The following FSTL5 variants were observed in gnomAD, a reference collection of about 807,000 sequenced individuals.
FSTL5 encodes follistatin like 5.
In FSTL5, 62 loss-of-function variants were observed where a neutral mutation model predicts 89.1. The observed-to-expected ratio is 0.70, with a 90% confidence interval of 0.57 to 0.86. FSTL5 has a LOEUF of 0.86. FSTL5 is among the 40% of genes least tolerant of loss of function. The pLI is 0.00. For missense variants in FSTL5, 1,057 were observed against 1,001.6 expected (o/e 1.06, Z -0.75); for synonymous variants, 383 against 346.2 (o/e 1.11, Z -1.18).
chr4:161,860,570 G>T (rs1475723504), intron 4 of FSTL5, among the ~76,000 whole-genome samples: 2 of 152,130 alleles, frequency 1.3e-5, no homozygotes, highest in African/African-American at 4.8e-5. Flanking sequence ...ATGTACACGC[G>T]ATGGTAACAC....
intron 4 of FSTL5, among the ~76,000 whole-genome samples, chr4:161,883,463 C>T (rs1357065682): frequency 6.6e-6 from 1 of 152,112 alleles, no homozygotes; most frequent in African/African-American, 2.4e-5. Context: ...TTATATTAGT[C>T]TCATGCAGTT....
chr4:161,876,259 A>G (rs1732438633), intron 4 of FSTL5, among the ~76,000 whole-genome samples: 1 of 152,200 alleles, frequency 6.6e-6, no homozygotes, highest in African/African-American at 2.4e-5. Flanking sequence ...CTCTATTTTG[A>G]ATATTTTGTA....
intron 4 of FSTL5, among the ~76,000 whole-genome samples, chr4:161,784,991 G>T (rs1251786263): frequency 2.6e-5 from 4 of 151,588 alleles, no homozygotes; most frequent in Non-Finnish European, 5.9e-5. Flanking sequence ...TACTTACACA[G>T]TAATCACATT....
chr4:161,468,983 T>C (rs1396461112), intron 13 of FSTL5, among the ~76,000 whole-genome samples: 2 of 152,210 alleles, frequency 1.3e-5, no homozygotes, highest in Non-Finnish European at 2.9e-5. Flanking sequence ...TGAAATATGT[T>C]CATAATTCTG....
chr4:161,611,467 T>C (rs1353400592), intron 7 of FSTL5, among the ~76,000 whole-genome samples: 3 of 151,922 alleles, frequency 2.0e-5, no homozygotes, highest in African/African-American at 7.2e-5. Flanking sequence ...TATCACTAAA[T>C]AGCTAAAATT....
intron 4 of FSTL5, among the ~76,000 whole-genome samples, chr4:161,793,672 C>T (rs750098416): frequency 6.6e-6 from 1 of 151,582 alleles, no homozygotes; most frequent in East Asian, 1.9e-4. Flanking sequence ...GCAGTGGTGC[C>T]GTCTCAGCTC....
intron 4 of FSTL5, among the ~76,000 whole-genome samples, chr4:161,805,411 A>AT (rs2126833736): frequency 6.6e-6 from 1 of 152,272 alleles, no homozygotes; most frequent in Admixed American, 6.6e-5. Flanking sequence ...GATAAGAGAA[A>AT]TGTTTGTCAT....
intron 4 of FSTL5, among the ~76,000 whole-genome samples, chr4:161,877,780 C>G (rs900022030): frequency 1.3e-5 from 2 of 151,820 alleles, no homozygotes; most frequent in Non-Finnish European, 2.9e-5. Context: ...GAGCCGAGAT[C>G]GCGCCACTGC....
At chr4:161,422,056 T>C (rs928007733) in intron 15 of FSTL5, among the ~76,000 whole-genome samples, 3 of 152,026 alleles carry the variant, frequency 2.0e-5, no homozygotes, top group Admixed American at 2.0e-4. Context: ...ACGGCATATA[T>C]ATTTTCATGT....
chr4:162,009,877 A>G (rs1736711502), intron 3 of FSTL5, among the ~76,000 whole-genome samples: 1 of 152,064 alleles, frequency 6.6e-6, no homozygotes, highest in African/African-American at 2.4e-5. Flanking sequence ...CAAGCTATAA[A>G]GATGAAATAT....
rs186044286 is a variant in FSTL5, at chr4:161,516,609, A to G, written c.1313-6185T>C. Among the ~76,000 whole-genome samples the G allele has an allele frequency of 4.2e-3, 37 of 8,724 alleles. 1 individual carries two copies. Among genetic ancestry groups the G allele is most frequent in the Middle Eastern group, 0.062 (1 of 16 alleles). The allele number at this position is 8,724 out of a possible 152,430, so 5.7% of individuals were successfully genotyped here. ...TATAATAAATTATATATTTTATATA[A>G]TAAATTATATATTTTATATAATAAA... On this transcript the variant is annotated intron_variant, in intron 10 of 15. Transcript: ENST00000306100.
intron 5 of FSTL5, among the ~76,000 whole-genome samples, chr4:161,773,673 A>C (rs2126802118): frequency 6.6e-6 from 1 of 152,280 alleles, no homozygotes; most frequent in African/African-American, 2.4e-5. Context: ...AAATGGCCAT[A>C]ATCTAAACTT....
At chr4:161,759,362 C>A (rs769493164) in intron 6 of FSTL5, 49 bp downstream of exon 6, 2 of 1,547,598 alleles carry the variant, frequency 1.3e-6, no homozygotes, top group South Asian at 1.3e-5. Context: ...TTGTGTAAAG[C>A]AACAGGAAAA....
At chr4:161,574,734 T>C (rs572462009) in intron 8 of FSTL5, among the ~76,000 whole-genome samples, 1 of 152,306 alleles carries the variant, frequency 6.6e-6, no homozygotes, top group East Asian at 1.9e-4. Flanking sequence ...GGTGTGTATG[T>C]GCCACGTTTT....
At chr4:161,521,589 C>T (rs1409927016) in intron 10 of FSTL5, among the ~76,000 whole-genome samples, 3 of 152,054 alleles carry the variant, frequency 2.0e-5, no homozygotes, top group Non-Finnish European at 4.4e-5. Flanking sequence ...TGGCTCATGC[C>T]TCTAACCCCA....
intron 8 of FSTL5, among the ~76,000 whole-genome samples, chr4:161,571,451 G>GAA (rs1409836333): frequency 6.6e-6 from 1 of 150,718 alleles, no homozygotes. Flanking sequence ...CCTCCCAAAG[G>GAA]AAAAAAAAGA....
intron 1 of FSTL5, among the ~76,000 whole-genome samples, chr4:162,144,150 T>A (rs1333623595): frequency 3.9e-5 from 6 of 152,148 alleles, no homozygotes; most frequent in Non-Finnish European, 8.8e-5. Flanking sequence ...AGAACTTGCC[T>A]AGAGACTGGT....
At chr4:161,400,492 A>T (rs1484757069) in intron 15 of FSTL5, among the ~76,000 whole-genome samples, 1 of 152,090 alleles carries the variant, frequency 6.6e-6, no homozygotes, top group East Asian at 1.9e-4. Flanking sequence ...ATCTTCAAGG[A>T]AGTACGGAGC....
At chr4:161,736,469 A>C (rs1318320082) in intron 6 of FSTL5, among the ~76,000 whole-genome samples, 1 of 152,202 alleles carries the variant, frequency 6.6e-6, no homozygotes, top group African/African-American at 2.4e-5. Flanking sequence ...TATATTTTGC[A>C]CTAAATAAAA....
Sources: allele counts gnomAD v4.1 joint callset (sites outside exome capture counted in the v4.1 genomes callset), GRCh38; gene constraint gnomAD v4.1.1; transcripts MANE v1.5; gene names NCBI Gene and HGNC (gene_info 2026-07-23, HGNC 2026-07-21).